PCDH9: variants seen among roughly 807,000 people sequenced by gnomAD.
PCDH9 encodes the protein protocadherin 9, also known as protocadherin-9.
A neutral mutation model predicts 70.6 loss-of-function variants in PCDH9; 24 were observed. That is an observed-to-expected ratio of 0.34 (90% CI 0.25 to 0.48). The LOEUF (loss-of-function observed/expected upper bound fraction) is 0.48, where lower values mean the gene tolerates loss of function less well. PCDH9 is among the 20% of genes least tolerant of loss of function. The pLI is 0.99. For missense variants in PCDH9, 1,281 were observed against 1,503.6 expected (o/e 0.85, Z 2.45); for synonymous variants, 562 against 558.5 (o/e 1.01, Z -0.09).
intron 4 of PCDH9, among the ~76,000 whole-genome samples, chr13:66,409,025 G>T (rs1957328309): frequency 6.6e-6 from 1 of 151,946 alleles, no homozygotes; most frequent in Non-Finnish European, 1.5e-5. Context: ...ATAATGGAAA[G>T]AATACATACA....
At chr13:66,994,473 G>A (rs899425773) in intron 2 of PCDH9, among the ~76,000 whole-genome samples, 3 of 152,158 alleles carry the variant, frequency 2.0e-5, no homozygotes, top group Admixed American at 6.5e-5. Flanking sequence ...TCACAAAGCT[G>A]GTGGGTTTGG....
In PCDH9 at chr13:66,601,676, CAGAT is replaced by C. The variant is rs1309238619; in HGVS notation, c.3340+29530_3340+29533del. On this transcript the variant is annotated intron_variant, in intron 4 of 4. Coordinates refer to ENST00000377865, the MANE Select transcript of PCDH9 (RefSeq NM_203487.3). ...ACATTTTTGCAGAAGGCTGCTTTAA[CAGAT>C]AGAAGTAGAGTCATGCACTGCAGAA... Among the ~76,000 whole-genome samples the C allele has an allele frequency of 2.1e-5, 3 of 146,116 alleles. 1 individual carries two copies. The highest frequency in any genetic ancestry group is 7.4e-5 in the African/African-American group (3 of 40,554).
intron 2 of PCDH9, among the ~76,000 whole-genome samples, chr13:67,143,082 G>A (rs1043252340): frequency 6.6e-6 from 1 of 152,092 alleles, no homozygotes; most frequent in East Asian, 1.9e-4. Context: ...TAAATGTTAT[G>A]AGAGCAAAAT....
chr13:66,879,806 G>C (rs116708800), intron 3 of PCDH9, among the ~76,000 whole-genome samples: 5,232 of 152,092 alleles, frequency 0.034, 285 homozygotes, highest in African/African-American at 0.12. Flanking sequence ...AAAAATCATT[G>C]CAATTAAATG....
At chr13:66,765,672 G>A (rs1019177188) in intron 3 of PCDH9, among the ~76,000 whole-genome samples, 1 of 152,110 alleles carries the variant, frequency 6.6e-6, no homozygotes. Flanking sequence ...CTAAAGGATA[G>A]TAGATTGGGA....
At chr13:66,760,980 T>C (rs569685732) in intron 3 of PCDH9, among the ~76,000 whole-genome samples, 11 of 152,308 alleles carry the variant, frequency 7.2e-5, no homozygotes. Flanking sequence ...CCCTGTTTCC[T>C]GTTAAGATGT....
intron 4 of PCDH9, among the ~76,000 whole-genome samples, chr13:66,578,732 T>G (rs1243921586): frequency 6.6e-6 from 1 of 152,130 alleles, no homozygotes; most frequent in Non-Finnish European, 1.5e-5. Context: ...TTTCTTGTAT[T>G]TATTCTTCTG....
chr13:66,569,806 GT>G (rs1347476579), intron 4 of PCDH9, among the ~76,000 whole-genome samples: 12 of 152,118 alleles, frequency 7.9e-5, no homozygotes, highest in African/African-American at 2.9e-4. Context: ...TCACTCATCT[GT>G]TGTATTGGGA....
In PCDH9 at chr13:67,128,720, C is replaced by T. The variant is rs1484286970; in HGVS notation, c.3036+96685G>A. On this transcript the variant is annotated intron_variant, in intron 2 of 4. Coordinates refer to ENST00000377865, the MANE Select transcript of PCDH9 (RefSeq NM_203487.3). Reference sequence around the variant, plus strand: ...TACCACTGAGGCTTTTGTGGATAAACGATAGTGTTACATCTATTTCCACTG... The same window carrying T: ...TACCACTGAGGCTTTTGTGGATAAATGATAGTGTTACATCTATTTCCACTG... 4.6e-5 allele frequency among the ~76,000 whole-genome samples: 7 copies of T among 152,216 alleles called. No individual in the cohort carries two copies. The East Asian group carries it at 5.8e-4, about 13-fold the overall frequency.
At chr13:66,950,802 A>G (rs964556652) in intron 2 of PCDH9, among the ~76,000 whole-genome samples, 1 of 152,112 alleles carries the variant, frequency 6.6e-6, no homozygotes, top group African/African-American at 2.4e-5. Context: ...AAAATTGTCT[A>G]CTTAACCAAA....
intron 4 of PCDH9, among the ~76,000 whole-genome samples, chr13:66,396,264 T>C (rs1957099783): frequency 6.6e-6 from 1 of 152,166 alleles, no homozygotes; most frequent in Non-Finnish European, 1.5e-5. Flanking sequence ...TAATTCTTAT[T>C]GTTATAGAAC....
At position 66,304,832 on chromosome 13, in the gene PCDH9, C is replaced by A. The variant is rs747947180; in HGVS notation, c.3537G>T (p.Leu1179=). 10 of 1,613,548 alleles carry A rather than the reference C, an allele frequency of 6.2e-6. No individual in the cohort carries two copies. In the East Asian group the frequency reaches 2.0e-4, roughly 32 times the overall value. Residue 1179 remains leucine (L), a synonymous_variant, in exon 5 of 5, where the codon CTG becomes CTT. Transcript: ENST00000377865. The part of the protein sequence containing the change: ...KKDKLVNGHT[L]TRAWKEDSNR... Reference sequence around the variant, plus strand: ...TGCTGTCTTCTTTCCAGGCTCTGGTCAGGGTGTGCCCATTCACAAGCTTGT... The same window carrying A: ...TGCTGTCTTCTTTCCAGGCTCTGGTAAGGGTGTGCCCATTCACAAGCTTGT...
intron 3 of PCDH9, among the ~76,000 whole-genome samples, chr13:66,792,653 G>A (rs998426609): frequency 2.6e-5 from 4 of 152,076 alleles, no homozygotes; most frequent in African/African-American, 9.7e-5. Context: ...TGAGTGACAA[G>A]AGTTAAACTC....
chr13:66,972,609 T>C (rs1293704701), intron 2 of PCDH9, among the ~76,000 whole-genome samples: 2 of 152,022 alleles, frequency 1.3e-5, no homozygotes, highest in African/African-American at 4.8e-5. Context: ...CACTAGAGCA[T>C]AGTTTACAAT....
chr13:66,738,419 G>C (rs1193925791), intron 3 of PCDH9, among the ~76,000 whole-genome samples: 1 of 151,850 alleles, frequency 6.6e-6, no homozygotes, highest in Non-Finnish European at 1.5e-5. Flanking sequence ...ACTGGAAACT[G>C]TAAAACGCAG....
At chr13:66,989,521 C>T (rs1335732417) in intron 2 of PCDH9, among the ~76,000 whole-genome samples, 1 of 151,868 alleles carries the variant, frequency 6.6e-6, no homozygotes, top group African/African-American at 2.4e-5. Flanking sequence ...ATGAATGTCA[C>T]TTCCTGATTG....
rs144930942 is a variant in PCDH9 at position 66,351,992 on chromosome 13, C to T, written c.3341-46964G>A. 2.3e-4 allele frequency among the ~76,000 whole-genome samples: 35 copies of T among 152,178 alleles called. No homozygotes were observed. The East Asian group carries it at 2.9e-3, about 13-fold the overall frequency. On this transcript the variant is annotated intron_variant, in intron 4 of 4. Coordinates refer to ENST00000377865, the MANE Select transcript of PCDH9 (RefSeq NM_203487.3). ...CTGGGATTACAGGCATCAGCCACCA[C>T]GCCCAGCTGATTTTTGTACTTTTAG...
chr13:67,186,816 A>G (rs963161432), intron 2 of PCDH9, among the ~76,000 whole-genome samples: 1 of 152,202 alleles, frequency 6.6e-6, no homozygotes, highest in Admixed American at 6.5e-5. Context: ...AAATATACAC[A>G]TTAACTGACC....
At chr13:67,223,343 T>C (rs2138124930) in intron 2 of PCDH9, 1 of 152,274 alleles carries the variant, frequency 6.6e-6, no homozygotes, top group East Asian at 1.9e-4. Context: ...AAAGTGGATC[T>C]ATACATCAAT....
Sources: gnomAD v4.1 joint callset for allele counts (sites outside exome capture counted in the v4.1 genomes callset) on GRCh38, gnomAD v4.1.1 for gene constraint, MANE v1.5 for transcripts, NCBI Gene and HGNC (gene_info 2026-07-23, HGNC 2026-07-21) for gene names.